FAM83B: variants seen among roughly 807,000 people sequenced by gnomAD.
FAM83B encodes the protein scaffolding CK1 anchoring protein B, also known as protein FAM83B.
A neutral mutation model predicts 38.8 loss-of-function variants in FAM83B; 26 were observed. That is an observed-to-expected ratio of 0.67 (90% CI 0.49 to 0.93). FAM83B has a LOEUF of 0.93. Ranked by LOEUF, FAM83B falls within the 40% of genes least tolerant of loss-of-function variation. The pLI is 0.00. For synonymous variants in FAM83B, 419 were observed against 423.1 expected, an observed-to-expected ratio of 0.99 and a Z score of 0.12; for missense variants, 1,237 against 1,197.3, an observed-to-expected ratio of 1.03 and a Z score of -0.49.
chr6:54,852,701 T>C (rs1294724819), intron 1 of FAM83B, among the ~76,000 whole-genome samples: 8 of 152,190 alleles, frequency 5.3e-5, no homozygotes, highest in Admixed American at 4.6e-4. Context: ...TAGACAATTA[T>C]CCAAATTGTG....
At chr6:54,881,648 A>G (rs1168826472) in intron 2 of FAM83B, among the ~76,000 whole-genome samples, 2 of 152,178 alleles carry the variant, frequency 1.3e-5, no homozygotes, top group East Asian at 1.9e-4. Flanking sequence ...GAGGTTTGTG[A>G]TCATGTAGTC....
At chr6:54,930,569 A>C (rs1773396710) in intron 4 of FAM83B, among the ~76,000 whole-genome samples, 1 of 152,128 alleles carries the variant, frequency 6.6e-6, no homozygotes, top group African/African-American at 2.4e-5. Context: ...TTTATGGCTT[A>C]ATGTGGGATG....
At chr6:54,851,792 C>T (rs1188572987) in intron 1 of FAM83B, among the ~76,000 whole-genome samples, 2 of 149,160 alleles carry the variant, frequency 1.3e-5, no homozygotes, top group Non-Finnish European at 3.0e-5. Flanking sequence ...GGACTACAGG[C>T]GCCCGCCACT....
intron 2 of FAM83B, among the ~76,000 whole-genome samples, chr6:54,924,316 C>T (rs896587300): frequency 6.6e-6 from 1 of 151,620 alleles, no homozygotes; most frequent in Non-Finnish European, 1.5e-5. Context: ...CAATTTTATG[C>T]CAATTAAAAA....
intron 2 of FAM83B, among the ~76,000 whole-genome samples, chr6:54,892,288 T>G (rs1326467183): frequency 6.6e-6 from 1 of 152,078 alleles, no homozygotes; most frequent in African/African-American, 2.4e-5. Context: ...AACTTTCATT[T>G]TAAGTTCAGG....
At chr6:54,882,850 T>C (rs1269278361) in intron 2 of FAM83B, among the ~76,000 whole-genome samples, 1 of 152,232 alleles carries the variant, frequency 6.6e-6, no homozygotes, top group Non-Finnish European at 1.5e-5. Flanking sequence ...TTAAAATCCA[T>C]GTTAAATTAT....
At chr6:54,848,105 T>C (rs4715486) in intron 1 of FAM83B, among the ~76,000 whole-genome samples, 2 of 134,156 alleles carry the variant, frequency 1.5e-5, no homozygotes, top group African/African-American at 5.5e-5. Context: ...TTTATTGGAG[T>C]GGGGGTGGGG....
chr6:54,927,725 AAGT>A (rs375925987), intron 4 of FAM83B, 93 bp downstream of exon 4: 1 of 718,378 alleles, frequency 1.4e-6, no homozygotes, highest in South Asian at 5.7e-5. Flanking sequence ...TTTTTCTTAA[AAGT>A]AAAAAAAAAA....
chr6:54,899,595 G>A (rs980582675), intron 2 of FAM83B, among the ~76,000 whole-genome samples: 2 of 152,126 alleles, frequency 1.3e-5, no homozygotes, highest in South Asian at 4.1e-4. Flanking sequence ...TGGATGTCTG[G>A]TGAGGGTCCA....
intron 1 of FAM83B, among the ~76,000 whole-genome samples, chr6:54,851,036 A>C (rs59391598): frequency 7.3e-6 from 1 of 136,148 alleles, no homozygotes; most frequent in Admixed American, 7.2e-5. Context: ...AAAAAAAAAA[A>C]AAGTGCTGTA....
chr6:54,861,530 G>A (rs1771582582), intron 1 of FAM83B, among the ~76,000 whole-genome samples: 1 of 152,152 alleles, frequency 6.6e-6, no homozygotes, highest in Admixed American at 6.5e-5. Flanking sequence ...GCTGACAGAG[G>A]AAGACCCCAC....
At chr6:54,855,336 T>C (rs1771423494) in intron 1 of FAM83B, among the ~76,000 whole-genome samples, 2 of 152,204 alleles carry the variant, frequency 1.3e-5, no homozygotes, top group Non-Finnish European at 2.9e-5. Context: ...ATACATATAA[T>C]TGAAAATTAC....
intron 2 of FAM83B, among the ~76,000 whole-genome samples, chr6:54,900,143 GCA>G (rs1200465594): frequency 6.6e-6 from 1 of 152,098 alleles, no homozygotes; most frequent in African/African-American, 2.4e-5. Flanking sequence ...CATTTCTGTA[GCA>G]CATATAACCT....
chr6:54,937,431 A>G (rs239793), intron 4 of FAM83B, among the ~76,000 whole-genome samples: 44,178 of 151,868 alleles, frequency 0.29, 9,717 homozygotes, highest in African/African-American at 0.62. Context: ...TGGTTTCTGA[A>G]GCCTGCATTT....
At chr6:54,930,221 C>T (rs561014993) in intron 4 of FAM83B, among the ~76,000 whole-genome samples, 5 of 151,860 alleles carry the variant, frequency 3.3e-5, no homozygotes, top group African/African-American at 4.8e-5. Flanking sequence ...TTTCTTTTTT[C>T]GAAACAAAGT....
chr6:54,874,621 T>C (rs886765390), intron 2 of FAM83B, among the ~76,000 whole-genome samples: 6 of 152,212 alleles, frequency 3.9e-5, no homozygotes, highest in African/African-American at 7.2e-5. Context: ...TTAAAGTTTT[T>C]TTTTCCTAGC....
intron 4 of FAM83B, among the ~76,000 whole-genome samples, chr6:54,938,238 T>A (rs957606729): frequency 2.1e-4 from 32 of 152,198 alleles, no homozygotes; most frequent in Non-Finnish European, 4.1e-4. Context: ...CCATGGTATA[T>A]ACATACCACA....
At chr6:54,907,416 G>A (rs1004692420) in intron 2 of FAM83B, among the ~76,000 whole-genome samples, 1 of 152,056 alleles carries the variant, frequency 6.6e-6, no homozygotes, top group Non-Finnish European at 1.5e-5. Context: ...AATTCAGTGA[G>A]TAAGTTTTTG....
intron 2 of FAM83B, among the ~76,000 whole-genome samples, chr6:54,901,059 A>G (rs1772650303): frequency 6.6e-6 from 1 of 152,220 alleles, no homozygotes; most frequent in Non-Finnish European, 1.5e-5. Context: ...AAAAGCTATT[A>G]TCCATGTGTG....
Sources: allele counts gnomAD v4.1 joint callset (sites outside exome capture counted in the v4.1 genomes callset), GRCh38; gene constraint gnomAD v4.1.1; transcripts MANE v1.5; gene names NCBI Gene and HGNC (gene_info 2026-07-23, HGNC 2026-07-21).